ENTREP2: variants seen among roughly 807,000 people sequenced by gnomAD.
ENTREP2 encodes the protein protein ENTREP2.
chr15:29,269,182 G>A, the ENTREP2 span: 103 of 1,614,072 alleles, frequency 6.4e-5, 1 homozygote, highest in Admixed American at 1.7e-3. Flanking sequence ...GAGGCCCGTA[G>A]TGGGCGTGCC....
chr15:29,138,702 C>CGTGT, the ENTREP2 span, among the ~76,000 whole-genome samples: 5 of 149,346 alleles, frequency 3.3e-5, no homozygotes, highest in Middle Eastern at 3.4e-3. Flanking sequence ...TGTGTGTATG[C>CGTGT]GTGTGTGTGT....
At chr15:29,579,686 A>ATTTTTT in the ENTREP2 span, among the ~76,000 whole-genome samples, 33 of 55,822 alleles carry the variant, frequency 5.9e-4, 3 homozygotes, top group African/African-American at 1.1e-3. Flanking sequence ...CACCCAGCTA[A>ATTTTTT]TTTTTTTTTT....
chr15:29,455,387 C>G, the ENTREP2 span, among the ~76,000 whole-genome samples: 1 of 152,170 alleles, frequency 6.6e-6, no homozygotes, highest in Non-Finnish European at 1.5e-5. Flanking sequence ...GTAGAAGCCA[C>G]TATGTTCTGG....
chr15:29,626,749 C>T, the ENTREP2 span, among the ~76,000 whole-genome samples: 8 of 152,140 alleles, frequency 5.3e-5, no homozygotes, highest in East Asian at 1.9e-4. Context: ...ACAAGAAAAA[C>T]GTGAGCTTTC....
the ENTREP2 span, among the ~76,000 whole-genome samples, chr15:29,366,766 T>C: frequency 6.6e-6 from 1 of 152,188 alleles, no homozygotes; most frequent in African/African-American, 2.4e-5. Context: ...ACCCCAGAAA[T>C]ACTCTGGCTG....
At chr15:29,635,259 G>A in the ENTREP2 span, among the ~76,000 whole-genome samples, 1 of 152,138 alleles carries the variant, frequency 6.6e-6, no homozygotes, top group Non-Finnish European at 1.5e-5. Flanking sequence ...TCCTGCCTAG[G>A]TGTTGCTCGT....
the ENTREP2 span, among the ~76,000 whole-genome samples, chr15:29,634,184 G>A: frequency 9.9e-5 from 15 of 152,102 alleles, no homozygotes; most frequent in African/African-American, 3.6e-4. Context: ...GGGTGGCGGA[G>A]ACCCTAAGGT....
chr15:29,323,358 C>T, the ENTREP2 span, among the ~76,000 whole-genome samples: 4 of 152,106 alleles, frequency 2.6e-5, no homozygotes, highest in South Asian at 2.1e-4. Flanking sequence ...CCAAGAGGAC[C>T]GGGTTCAGAG....
the ENTREP2 span, among the ~76,000 whole-genome samples, chr15:29,330,548 C>T: frequency 9.9e-5 from 15 of 152,134 alleles, no homozygotes; most frequent in South Asian, 2.1e-4. Flanking sequence ...AATAGAGGGG[C>T]ACCCTACGTA....
At chr15:29,450,371 T>C in the ENTREP2 span, among the ~76,000 whole-genome samples, 1 of 152,228 alleles carries the variant, frequency 6.6e-6, no homozygotes, top group Non-Finnish European at 1.5e-5. Flanking sequence ...GTTTTTACAT[T>C]TTAGTCCTTA....
At chr15:29,489,635 T>C in the ENTREP2 span, among the ~76,000 whole-genome samples, 1 of 152,226 alleles carries the variant, frequency 6.6e-6, no homozygotes. Context: ...ATATGTATTT[T>C]ACGCACAAAA....
At chr15:29,494,546 C>T in the ENTREP2 span, among the ~76,000 whole-genome samples, 648 of 152,292 alleles carry the variant, frequency 4.3e-3, 8 homozygotes, top group African/African-American at 0.015. Context: ...AAAATCTACT[C>T]TCTTAGCAAA....
At chr15:29,639,768 CTTT>C in the ENTREP2 span, among the ~76,000 whole-genome samples, 10 of 127,290 alleles carry the variant, frequency 7.9e-5, no homozygotes, top group Non-Finnish European at 1.2e-4. Flanking sequence ...TTTTTGTTTG[CTTT>C]TTTTTTTTTT....
the ENTREP2 span, among the ~76,000 whole-genome samples, chr15:29,238,056 G>A: frequency 0.019 from 2,957 of 152,234 alleles, 102 homozygotes; most frequent in African/African-American, 0.067. Context: ...GCTGCAATAT[G>A]TATGAACCTT....
chr15:29,657,483 C>CGGGCGG, the ENTREP2 span, among the ~76,000 whole-genome samples: 3 of 69,382 alleles, frequency 4.3e-5, no homozygotes, highest in African/African-American at 6.0e-5. Context: ...GCTGGGGGGG[C>CGGGCGG]GGGGGGGGGG....
chr15:29,155,011 G>A, the ENTREP2 span, among the ~76,000 whole-genome samples: 3 of 151,642 alleles, frequency 2.0e-5, no homozygotes, highest in East Asian at 5.9e-4. Flanking sequence ...GGCCGGGCGT[G>A]GTGGCTCATG....
At chr15:29,605,973 C>G in the ENTREP2 span, among the ~76,000 whole-genome samples, 6 of 152,242 alleles carry the variant, frequency 3.9e-5, no homozygotes, top group East Asian at 9.7e-4. Flanking sequence ...ATATTCCCTA[C>G]CTAATCCCTG....
the ENTREP2 span, among the ~76,000 whole-genome samples, chr15:29,407,827 C>T: frequency 2.0e-5 from 3 of 150,356 alleles, no homozygotes; most frequent in Non-Finnish European, 4.4e-5. Context: ...CAGCACACCC[C>T]ACTAATTTTT....
the ENTREP2 span, chr15:29,234,402 C>A: frequency 2.6e-6 from 4 of 1,547,474 alleles, no homozygotes; most frequent in Non-Finnish European, 3.6e-6. Flanking sequence ...AGATGGGAAG[C>A]AATAAAATGG....
Sources: allele counts gnomAD v4.1 joint callset (sites outside exome capture counted in the v4.1 genomes callset), GRCh38; gene constraint gnomAD v4.1.1; transcripts MANE v1.5; gene names NCBI Gene and HGNC (gene_info 2026-07-23, HGNC 2026-07-21).